PCCA: variants seen among roughly 807,000 people sequenced by gnomAD.
PCCA encodes the protein propionyl-CoA carboxylase alpha chain, mitochondrial.
Under a neutral mutation model 101.3 loss-of-function variants are expected in PCCA, and 74 were observed. The ratio of observed to expected loss-of-function variants is 0.73; its 90% CI spans 0.61 to 0.89. PCCA has a LOEUF of 0.89. Ranked by LOEUF, PCCA falls within the 40% of genes least tolerant of loss-of-function variation. PCCA has a pLI of 0.00. For missense variants in PCCA, 891 were observed against 907.0 expected (o/e 0.98, Z 0.23); for synonymous variants, 294 against 313.6 (o/e 0.94, Z 0.66).
chr13:100,475,423 C>T lies in PCCA; in HGVS notation c.1899+26118C>T, dbSNP rs191037003. Among the ~76,000 whole-genome samples the T allele has an allele frequency of 2.0e-4, 30 of 152,284 alleles. No homozygotes were observed. The South Asian group carries it at 3.7e-3, about 19-fold the overall frequency. ...TTAGGAAAGGAATCATACAGTATGT[C>T]GTCTTTTGTGGCTTTCACTTACATA... On this transcript the variant is annotated intron_variant, in intron 21 of 23. Transcript: ENST00000376285.
At chr13:100,405,248 CT>C (rs1204692381) in intron 19 of PCCA, among the ~76,000 whole-genome samples, 1 of 152,182 alleles carries the variant, frequency 6.6e-6, no homozygotes, top group Non-Finnish European at 1.5e-5. Context: ...TTCCCATCCC[CT>C]GGCAGGATTT....
chr13:100,470,957 A>G (rs2082967406), intron 21 of PCCA, among the ~76,000 whole-genome samples: 1 of 152,226 alleles, frequency 6.6e-6, no homozygotes, highest in Non-Finnish European at 1.5e-5. Flanking sequence ...AATTTTCTTC[A>G]AGACATTTTT....
At chr13:100,252,127 C>G (rs552938314) in intron 8 of PCCA, among the ~76,000 whole-genome samples, 48 of 152,298 alleles carry the variant, frequency 3.2e-4, no homozygotes, top group South Asian at 2.1e-3. Context: ...TCCTTTCTGT[C>G]CTAGTTCTTT....
chr13:100,235,937 T>G, intron 8 of PCCA, 59 bp downstream of exon 8: 1 of 1,027,044 alleles, frequency 9.7e-7, no homozygotes, highest in Non-Finnish European at 1.6e-6. Context: ...TACGGTTGAG[T>G]CAACAGGTAA....
At chr13:100,357,907 A>G (rs2074125534) in intron 18 of PCCA, among the ~76,000 whole-genome samples, 1 of 152,170 alleles carries the variant, frequency 6.6e-6, no homozygotes, top group Non-Finnish European at 1.5e-5. Flanking sequence ...GTTCTCTCAA[A>G]TTGTTGGTTG....
At chr13:100,090,722 G>T (rs1249163920) in intron 1 of PCCA, among the ~76,000 whole-genome samples, 1 of 152,174 alleles carries the variant, frequency 6.6e-6, no homozygotes, top group East Asian at 1.9e-4. Flanking sequence ...TGAATTCTGT[G>T]TTCTAGATAC....
chr13:100,403,000 A>ATTTT (rs752322601), intron 19 of PCCA, among the ~76,000 whole-genome samples: 1 of 144,632 alleles, frequency 6.9e-6, no homozygotes, highest in Non-Finnish European at 1.5e-5. Flanking sequence ...GGAGAACTTA[A>ATTTT]TTTTTTTTTT....
At chr13:100,243,477 C>T (rs2061266781) in intron 8 of PCCA, among the ~76,000 whole-genome samples, 1 of 152,042 alleles carries the variant, frequency 6.6e-6, no homozygotes, top group South Asian at 2.1e-4. Flanking sequence ...TTAAGCAAAA[C>T]ATGATAAACT....
At chr13:100,143,189 T>C (rs570909177) in intron 4 of PCCA, among the ~76,000 whole-genome samples, 57 of 152,250 alleles carry the variant, frequency 3.7e-4, no homozygotes, top group African/African-American at 1.4e-3. Context: ...GAGTTGCAGG[T>C]AAATTCAGTG....
intron 19 of PCCA, among the ~76,000 whole-genome samples, chr13:100,417,604 T>C (rs2078461942): frequency 1.3e-5 from 2 of 152,104 alleles, no homozygotes; most frequent in African/African-American, 4.8e-5. Context: ...TAAGATGTTA[T>C]TGGTGGAGAC....
chr13:100,502,687 A>G (rs2085767424), intron 21 of PCCA, among the ~76,000 whole-genome samples: 1 of 152,220 alleles, frequency 6.6e-6, no homozygotes, highest in South Asian at 2.1e-4. Flanking sequence ...TACAATTTAC[A>G]AAGTTAAGAG....
chr13:100,346,051 A>T (rs1340299483), intron 18 of PCCA, among the ~76,000 whole-genome samples: 1 of 152,148 alleles, frequency 6.6e-6, no homozygotes, highest in Non-Finnish European at 1.5e-5. Flanking sequence ...AAGAGCTCTG[A>T]TGGAGAAGCA....
chr13:100,310,937 A>G (rs1459218549), intron 16 of PCCA, among the ~76,000 whole-genome samples: 1 of 152,142 alleles, frequency 6.6e-6, no homozygotes, highest in Non-Finnish European at 1.5e-5. Flanking sequence ...ACGCCATTTA[A>G]TAATTATGTG....
chr13:100,219,209 T>C (rs565431678), intron 7 of PCCA, among the ~76,000 whole-genome samples: 1 of 152,308 alleles, frequency 6.6e-6, no homozygotes, highest in East Asian at 1.9e-4. Flanking sequence ...GGATGTGTCA[T>C]TATGAACCTT....
Position 100,530,244 on chromosome 13 carries a change from A to T in PCCA, c.*78A>T. The T allele has an allele frequency of 8.7e-7, 1 of 1,149,150 alleles. No individual in the cohort carries two copies. Among genetic ancestry groups the T allele is most frequent in the Non-Finnish European group, 1.3e-6 (1 of 761,118 alleles). The allele number at this position is 1,149,150 out of a possible 1,614,324, so 71.2% of individuals were successfully genotyped here. On this transcript the variant is annotated 3_prime_UTR_variant, in exon 24 of 24. Coordinates refer to ENST00000376285, the MANE Select transcript of PCCA (RefSeq NM_000282.4). ...GCTTTCACACACAATTGATTCAAGC[A>T]TTATACAGGAACACCCCTGTGCAGC...
intron 21 of PCCA, among the ~76,000 whole-genome samples, chr13:100,466,859 AAAAACAAAAC>A (rs142889011): frequency 6.6e-6 from 1 of 151,782 alleles, no homozygotes; most frequent in Admixed American, 6.6e-5. Context: ...GTCCGTCTCA[AAAAACAAAAC>A]AAAACAAAAC....
At chr13:100,432,285 G>A (rs527690758) in intron 20 of PCCA, among the ~76,000 whole-genome samples, 5 of 152,178 alleles carry the variant, frequency 3.3e-5, no homozygotes, top group African/African-American at 7.2e-5. Context: ...CTTTAAAAGC[G>A]GTTTCTGTGA....
At chr13:100,295,881 C>G (rs962179738) in intron 12 of PCCA, among the ~76,000 whole-genome samples, 3 of 152,144 alleles carry the variant, frequency 2.0e-5, no homozygotes, top group Non-Finnish European at 4.4e-5. Flanking sequence ...GTGACTTTTC[C>G]CCTTTTCCCT....
At chr13:100,107,736 T>C (rs2047939674) in intron 2 of PCCA, among the ~76,000 whole-genome samples, 1 of 152,162 alleles carries the variant, frequency 6.6e-6, no homozygotes, top group African/African-American at 2.4e-5. Flanking sequence ...ACGGAGATAT[T>C]ATCAGAACTG....
Sources: gnomAD v4.1 joint callset for allele counts (sites outside exome capture counted in the v4.1 genomes callset) on GRCh38, gnomAD v4.1.1 for gene constraint, MANE v1.5 for transcripts, NCBI Gene and HGNC (gene_info 2026-07-23, HGNC 2026-07-21) for gene names.